MAGI2: variants seen among roughly 807,000 people sequenced by gnomAD.
MAGI2 encodes the protein membrane-associated guanylate kinase, WW and PDZ domain-containing protein 2.
A neutral mutation model predicts 133.3 loss-of-function variants in MAGI2; 35 were observed. That is an observed-to-expected ratio of 0.26 (90% CI 0.20 to 0.35). The LOEUF (loss-of-function observed/expected upper bound fraction) is 0.35. Ranked by LOEUF, MAGI2 falls within the 10% of genes least tolerant of loss-of-function variation. The pLI is 1.00. For missense variants in MAGI2, 1,636 were observed against 1,863.4 expected (o/e 0.88, Z 2.25); for synonymous variants, 729 against 710.6 (o/e 1.03, Z -0.41).
chr7:78,176,531 T>C (rs952908546), intron 14 of MAGI2, among the ~76,000 whole-genome samples: 3 of 152,118 alleles, frequency 2.0e-5, no homozygotes. Context: ...CAGGTTCCCA[T>C]TGGTTGCTTG....
intron 2 of MAGI2, among the ~76,000 whole-genome samples, chr7:78,871,753 G>T (rs1795044792): frequency 6.6e-6 from 1 of 151,954 alleles, no homozygotes; most frequent in Non-Finnish European, 1.5e-5. Flanking sequence ...GTTACCATTT[G>T]CATGTAAATT....
intron 7 of MAGI2, among the ~76,000 whole-genome samples, chr7:78,360,331 G>T (rs1261204669): frequency 1.3e-5 from 2 of 152,218 alleles, no homozygotes; most frequent in African/African-American, 4.8e-5. Flanking sequence ...AAAAGTGGCA[G>T]TGTTGTTTAA....
At chr7:79,358,239 A>C (rs1042321899) in intron 1 of MAGI2, among the ~76,000 whole-genome samples, 1 of 152,120 alleles carries the variant, frequency 6.6e-6, no homozygotes, top group Non-Finnish European at 1.5e-5. Flanking sequence ...AAACAAGTGC[A>C]ATGTGCATTT....
intron 2 of MAGI2, among the ~76,000 whole-genome samples, chr7:78,816,450 A>C (rs1789596100): frequency 6.6e-6 from 1 of 152,262 alleles, no homozygotes; most frequent in Admixed American, 6.5e-5. Flanking sequence ...TATTTGAAGA[A>C]GATGCCATGT....
At chr7:78,373,482 T>C (rs935520287) in intron 6 of MAGI2, among the ~76,000 whole-genome samples, 2 of 152,190 alleles carry the variant, frequency 1.3e-5, no homozygotes, top group African/African-American at 4.8e-5. Context: ...TGTAGTATTT[T>C]TGTAATTTTT....
chr7:78,256,275 A>G lies in MAGI2; in HGVS notation c.1715T>C (p.Met572Thr). ...GCCGTCTAGCTGACCATCAGTTGGCATGGAGTGCAGAGAATGAGGCGGCCG... is the reference window on the plus strand; with the variant it reads ...GCCGTCTAGCTGACCATCAGTTGGCGTGGAGTGCAGAGAATGAGGCGGCCG... ...TDRPPHSLHS[M>T]PTDGQLDGTY... The change falls in exon 10 of 22, where the codon ATG (methionine) becomes ACG (threonine). Residue 572 changes from methionine to threonine, a missense_variant. This residue lies in a region of MAGI2 where 920 missense variants were observed against 1,093.5 expected (regional missense o/e 0.84). Transcript: ENST00000354212. The G allele has an allele frequency of 1.2e-6, 2 of 1,614,108 alleles. No individual in the cohort carries two copies. Among genetic ancestry groups the G allele is most frequent in the Non-Finnish European group, 1.7e-6 (2 of 1,179,988 alleles).
intron 6 of MAGI2, among the ~76,000 whole-genome samples, chr7:78,395,815 A>T (rs1796299202): frequency 6.6e-6 from 1 of 152,198 alleles, no homozygotes; most frequent in Non-Finnish European, 1.5e-5. Context: ...GTAGATAGAT[A>T]CATCTTAAAT....
At chr7:78,727,836 G>T (rs1401060745) in intron 2 of MAGI2, among the ~76,000 whole-genome samples, 1 of 152,080 alleles carries the variant, frequency 6.6e-6, no homozygotes, top group Non-Finnish European at 1.5e-5. Context: ...GGCATATATG[G>T]ACCAGTCATT....
At chr7:79,348,962 T>C (rs1282679372) in intron 1 of MAGI2, among the ~76,000 whole-genome samples, 4 of 152,020 alleles carry the variant, frequency 2.6e-5, no homozygotes, top group Admixed American at 2.6e-4. Context: ...TCATTACTTT[T>C]GACAAATATT....
At chr7:78,557,091 A>AAAAAAAAAAAAAAG (rs1799907579) in intron 3 of MAGI2, among the ~76,000 whole-genome samples, 1 of 147,020 alleles carries the variant, frequency 6.8e-6, no homozygotes, top group Admixed American at 6.9e-5. Context: ...AAAAAAAAAA[A>AAAAAAAAAAAAAAG]AAAAAAAAAG....
chr7:79,157,941 A>AGTGAGTGAGTGTGTGT (rs1302532517), intron 1 of MAGI2, among the ~76,000 whole-genome samples: 4 of 134,894 alleles, frequency 3.0e-5, no homozygotes, highest in African/African-American at 1.3e-4. Flanking sequence ...TCTTTGTGTG[A>AGTGAGTGAGTGTGTGT]GTGTGTGTGT....
Position 78,601,449 on chromosome 7 carries a change from C to T in MAGI2, c.538+25671G>A, listed in dbSNP as rs551854134. Among the ~76,000 whole-genome samples, 343 of 152,200 alleles carry T rather than the reference C, an allele frequency of 2.3e-3. 2 individuals carry two copies. Among genetic ancestry groups the T allele is most frequent in the Middle Eastern group, 6.8e-3 (2 of 294 alleles). Reference sequence around the variant, plus strand: ...TGTTCTTAGCATTCTTTCTGAACTTCGCATTCTGAGAATCAGTATGTTGCA... The same window carrying T: ...TGTTCTTAGCATTCTTTCTGAACTTTGCATTCTGAGAATCAGTATGTTGCA... On this transcript the variant is annotated intron_variant, in intron 3 of 21. Transcript: ENST00000354212.
intron 9 of MAGI2, among the ~76,000 whole-genome samples, chr7:78,288,314 A>C (rs1000898753): frequency 6.6e-6 from 1 of 152,204 alleles, no homozygotes; most frequent in Non-Finnish European, 1.5e-5. Context: ...CTCCTTCTAA[A>C]TTTAATCGCT....
chr7:78,728,289 C>T (rs1348100220), intron 2 of MAGI2, among the ~76,000 whole-genome samples: 1 of 152,038 alleles, frequency 6.6e-6, no homozygotes, highest in Admixed American at 6.5e-5. Context: ...ATAAACAGCC[C>T]AATTTTAAGA....
intron 4 of MAGI2, among the ~76,000 whole-genome samples, chr7:78,507,523 GA>G (rs1396451112): frequency 1.3e-5 from 2 of 152,184 alleles, no homozygotes. Flanking sequence ...AGAGATGGTA[GA>G]ATGCAAATTC....
intron 3 of MAGI2, among the ~76,000 whole-genome samples, chr7:78,573,532 C>T (rs376896158): frequency 8.9e-5 from 13 of 145,322 alleles, no homozygotes; most frequent in South Asian, 4.3e-4. Flanking sequence ...AGCAGCCTTT[C>T]GGGTCGCTTG....
Position 78,091,121 on chromosome 7 carries a change from T to C in MAGI2, c.3568-12036A>G, listed in dbSNP as rs548156862. 3.1e-4 allele frequency among the ~76,000 whole-genome samples: 47 copies of C among 152,002 alleles called. 1 individual carries two copies. Among genetic ancestry groups the C allele is most frequent in the Admixed American group, 2.3e-3 (35 of 15,236 alleles). On this transcript the variant is annotated intron_variant, in intron 20 of 21. Transcript: ENST00000354212. Reference sequence around the variant, plus strand: ...AATGAATAAGAGACAGAATGATCGATTGAATGATTTGGGGGTAAATTAAGG... The same window carrying C: ...AATGAATAAGAGACAGAATGATCGACTGAATGATTTGGGGGTAAATTAAGG...
At chr7:78,166,092 T>C (rs2150634425) in intron 15 of MAGI2, among the ~76,000 whole-genome samples, 1 of 152,314 alleles carries the variant, frequency 6.6e-6, no homozygotes, top group East Asian at 1.9e-4. Flanking sequence ...CTGAGTAAAG[T>C]TGGTAAGAGC....
At chr7:78,728,237 GA>G (rs1272501435) in intron 2 of MAGI2, among the ~76,000 whole-genome samples, 2 of 150,466 alleles carry the variant, frequency 1.3e-5, no homozygotes, top group Non-Finnish European at 3.0e-5. Flanking sequence ...GTAAATCGTA[GA>G]AAAATAAGAA....
Sources: gnomAD v4.1 joint callset for allele counts (sites outside exome capture counted in the v4.1 genomes callset) on GRCh38, gnomAD v4.1.1 for gene constraint, gnomAD v4.1.1 regional missense constraint, MANE v1.5 for transcripts, NCBI Gene and HGNC (gene_info 2026-07-23, HGNC 2026-07-21) for gene names.